Variants in HTR4 observed in about 807,000 individuals in gnomAD.
The protein encoded by HTR4 is 5-hydroxytryptamine receptor 4, also known as 5-hydroxytryptamine (serotonin) receptor 4, G protein-coupled.
In HTR4, 16 loss-of-function variants were observed where a neutral mutation model predicts 36.8. The observed-to-expected ratio is 0.43, with a 90% confidence interval of 0.29 to 0.66. The LOEUF (loss-of-function observed/expected upper bound fraction) is 0.66. Among genes scored for constraint, HTR4 ranks in the 30% least tolerant of loss-of-function variants. HTR4 has a pLI of 0.13. For synonymous variants in HTR4, 189 were observed against 185.1 expected, an observed-to-expected ratio of 1.02 and a Z score of -0.17; for missense variants, 438 against 490.9, an observed-to-expected ratio of 0.89 and a Z score of 1.02.
chr5:148,490,965 T>C, intron 6 of HTR4: 1 of 396,580 alleles, frequency 2.5e-6, no homozygotes, highest in Non-Finnish European at 4.9e-6. Context: ...ATCATGGCAT[T>C]TACCCTCTTC....
chr5:148,524,759 T>G (rs965043237), intron 4 of HTR4, among the ~76,000 whole-genome samples: 1 of 152,192 alleles, frequency 6.6e-6, no homozygotes, highest in African/African-American at 2.4e-5. Context: ...CATACACCCC[T>G]CATTTTATGC....
intron 5 of HTR4, among the ~76,000 whole-genome samples, chr5:148,458,053 T>TAA (rs58724061): frequency 4.4e-5 from 6 of 136,090 alleles, no homozygotes; most frequent in South Asian, 2.2e-4. Flanking sequence ...TAAAATATAT[T>TAA]ATATTTTAAG....
chr5:148,570,134 A>G (rs1760615933), intron 2 of HTR4, among the ~76,000 whole-genome samples: 1 of 152,094 alleles, frequency 6.6e-6, no homozygotes, highest in African/African-American at 2.4e-5. Context: ...GCAGAAAACA[A>G]ACAAACTCTC....
chr5:148,643,091 A>T (rs1753776220), intron 1 of HTR4, among the ~76,000 whole-genome samples: 1 of 152,210 alleles, frequency 6.6e-6, no homozygotes, highest in African/African-American at 2.4e-5. Context: ...CATTTGCATA[A>T]CTGAATATCC....
At chr5:148,492,835 G>A (rs1295116086) in intron 6 of HTR4, among the ~76,000 whole-genome samples, 2 of 151,980 alleles carry the variant, frequency 1.3e-5, no homozygotes, top group South Asian at 4.1e-4. Context: ...AAACCCAGGT[G>A]GGCCAGATTC....
chr5:148,576,133 A>C (rs1026723067), intron 2 of HTR4, among the ~76,000 whole-genome samples: 5 of 147,596 alleles, frequency 3.4e-5, no homozygotes, highest in East Asian at 4.2e-4. Flanking sequence ...AAAAAAAAAA[A>C]CAAAATCAAT....
At chr5:148,597,076 C>A (rs1218749723) in intron 2 of HTR4, among the ~76,000 whole-genome samples, 1 of 152,172 alleles carries the variant, frequency 6.6e-6, no homozygotes, top group Non-Finnish European at 1.5e-5. Context: ...CCCTGAAGCC[C>A]AGCTCAGATG....
chr5:148,498,737 A>G (rs991305731), intron 6 of HTR4, among the ~76,000 whole-genome samples: 3 of 152,210 alleles, frequency 2.0e-5, no homozygotes, highest in African/African-American at 7.2e-5. Flanking sequence ...AACCATAGGA[A>G]GAAGAGTTTG....
At chr5:148,560,179 T>G (rs1760135295) in intron 2 of HTR4, among the ~76,000 whole-genome samples, 1 of 148,996 alleles carries the variant, frequency 6.7e-6, no homozygotes, top group South Asian at 2.1e-4. Context: ...CTTTTCTTTT[T>G]TCTTTTTTAC....
At chr5:148,622,246 G>A (rs926466013) in intron 2 of HTR4, among the ~76,000 whole-genome samples, 2 of 152,074 alleles carry the variant, frequency 1.3e-5, no homozygotes, top group African/African-American at 4.8e-5. Context: ...CATTGCTATG[G>A]TCTAAATATT....
At chr5:148,606,669 T>C (rs754857390) in intron 2 of HTR4, among the ~76,000 whole-genome samples, 6 of 152,222 alleles carry the variant, frequency 3.9e-5, no homozygotes, top group Non-Finnish European at 8.8e-5. Context: ...CATATTCAAC[T>C]CTGTATGATG....
intron 1 of HTR4, among the ~76,000 whole-genome samples, chr5:148,651,007 T>C (rs1202387369): frequency 2.0e-5 from 3 of 152,236 alleles, no homozygotes; most frequent in African/African-American, 7.2e-5. Flanking sequence ...AATTTCATCC[T>C]AGCTTCACTA....
At chr5:148,504,435 T>C (rs937676197) in intron 6 of HTR4, among the ~76,000 whole-genome samples, 15 of 152,162 alleles carry the variant, frequency 9.9e-5, no homozygotes, top group African/African-American at 2.9e-4. Context: ...AAGATATTCT[T>C]TGAAACCAGT....
intron 1 of HTR4, chr5:148,645,096 T>C (rs1185643876): frequency 6.6e-6 from 1 of 152,236 alleles, no homozygotes; most frequent in African/African-American, 2.4e-5. Context: ...AAGAAAAATG[T>C]CACACAGTTA....
At chr5:148,498,479 GATCA>G (rs1459720083) in intron 6 of HTR4, among the ~76,000 whole-genome samples, 2 of 150,806 alleles carry the variant, frequency 1.3e-5, no homozygotes, top group African/African-American at 5.0e-5. Context: ...CAGCAAAAAT[GATCA>G]ATCAATTGAT....
At chr5:148,456,071 G>A (rs1359036344) in intron 5 of HTR4, among the ~76,000 whole-genome samples, 1 of 152,014 alleles carries the variant, frequency 6.6e-6, no homozygotes, top group Non-Finnish European at 1.5e-5. Context: ...CTCTCACCAT[G>A]GTATGGTGAC....
intron 2 of HTR4, among the ~76,000 whole-genome samples, chr5:148,600,011 G>A (rs945305684): frequency 2.0e-5 from 3 of 150,748 alleles, no homozygotes; most frequent in African/African-American, 7.3e-5. Context: ...CAATAAAGGA[G>A]AAAAAGCAAT....
intron 2 of HTR4, among the ~76,000 whole-genome samples, chr5:148,613,808 A>C (rs1437215255): frequency 6.6e-6 from 1 of 151,476 alleles, no homozygotes; most frequent in East Asian, 1.9e-4. Context: ...AAATCTCCTT[A>C]AGCTGATAAG....
chr5:148,534,077 G>C (rs537509577), intron 4 of HTR4, among the ~76,000 whole-genome samples: 7 of 152,312 alleles, frequency 4.6e-5, no homozygotes, highest in African/African-American at 1.7e-4. Flanking sequence ...TTACATGTAA[G>C]ATCTAGTAAT....
Sources: gnomAD v4.1 joint callset for allele counts (sites outside exome capture counted in the v4.1 genomes callset) on GRCh38, gnomAD v4.1.1 for gene constraint, MANE v1.5 for transcripts, NCBI Gene and HGNC (gene_info 2026-07-23, HGNC 2026-07-21) for gene names.